Variants in NEDD4 observed in about 807,000 individuals in gnomAD.
NEDD4 encodes NEDD4 E3 ubiquitin protein ligase.
Under a neutral mutation model 144.9 loss-of-function variants are expected in NEDD4, and 99 were observed. The observed-to-expected ratio is 0.68, with a 90% CI of 0.58 to 0.81. NEDD4 has a LOEUF of 0.81. Ranked by LOEUF, NEDD4 falls within the 30% of genes least tolerant of loss-of-function variation. NEDD4 has a pLI of 0.00. For synonymous variants in NEDD4, 318 were observed against 350.6 expected, an observed-to-expected ratio of 0.91 and a Z score of 1.04; for missense variants, 985 against 1,065.9, an observed-to-expected ratio of 0.92 and a Z score of 1.06.
At chr15:55,878,643 A>C (rs1402724567) in intron 5 of NEDD4, among the ~76,000 whole-genome samples, 1 of 152,208 alleles carries the variant, frequency 6.6e-6, no homozygotes, top group African/African-American at 2.4e-5. Flanking sequence ...TATCCTCTAA[A>C]ATACTTCTTC....
At chr15:55,857,743 T>C (rs1191276736) in intron 11 of NEDD4, among the ~76,000 whole-genome samples, 2 of 152,156 alleles carry the variant, frequency 1.3e-5, no homozygotes, top group Non-Finnish European at 2.9e-5. Flanking sequence ...AAAAGGAGCC[T>C]GGGAAACAAT....
At chr15:55,915,927 G>T in intron 5 of NEDD4, 1 of 1,614,002 alleles carries the variant, frequency 6.2e-7, no homozygotes, top group Non-Finnish European at 8.5e-7. Context: ...TTCACTAGGA[G>T]AAATAATAAA....
At chr15:55,991,508 T>A (rs569123571) in intron 1 of NEDD4, among the ~76,000 whole-genome samples, 1 of 152,220 alleles carries the variant, frequency 6.6e-6, no homozygotes, top group South Asian at 2.1e-4. Context: ...AGTAAATGAA[T>A]GTCTGTTGAA....
At chr15:55,975,318 T>C (rs1308159728) in intron 1 of NEDD4, among the ~76,000 whole-genome samples, 1 of 152,160 alleles carries the variant, frequency 6.6e-6, no homozygotes, top group African/African-American at 2.4e-5. Flanking sequence ...GAGAATGATA[T>C]GAACTTATAT....
chr15:55,937,933 A>C (rs551119254), intron 4 of NEDD4, among the ~76,000 whole-genome samples: 31 of 152,368 alleles, frequency 2.0e-4, no homozygotes, highest in African/African-American at 7.5e-4. Context: ...TACAGTAATT[A>C]AAACAGTATG....
intron 5 of NEDD4, among the ~76,000 whole-genome samples, chr15:55,915,126 CTTCAGATTTACAAATATAAAATT>C (rs1415863158): frequency 6.6e-6 from 1 of 152,090 alleles, no homozygotes; most frequent in Non-Finnish European, 1.5e-5. Context: ...ACATAGAGTT[CTTCAGATTTACAAATATAAAATT>C]TATGACTACA....
chr15:55,955,593 G>C (rs1235195277), intron 2 of NEDD4, among the ~76,000 whole-genome samples: 1 of 151,840 alleles, frequency 6.6e-6, no homozygotes, highest in South Asian at 2.1e-4. Flanking sequence ...TCTTATTTCA[G>C]TTAGTGTAAT....
intron 4 of NEDD4, among the ~76,000 whole-genome samples, chr15:55,947,562 T>A (rs897819770): frequency 4.6e-5 from 7 of 152,178 alleles, no homozygotes; most frequent in Admixed American, 1.3e-4. Flanking sequence ...CCAGACGTAT[T>A]CACAGCTGAA....
intron 1 of NEDD4, among the ~76,000 whole-genome samples, chr15:55,972,224 C>T (rs2037623164): frequency 6.6e-6 from 1 of 152,058 alleles, no homozygotes; most frequent in Non-Finnish European, 1.5e-5. Flanking sequence ...CAGACAAATA[C>T]AGAATATTAT....
intron 4 of NEDD4, among the ~76,000 whole-genome samples, chr15:55,945,636 T>C (rs779703191): frequency 3.3e-5 from 5 of 151,774 alleles, no homozygotes; most frequent in Non-Finnish European, 4.4e-5. Context: ...CATGACAACA[T>C]TCAAATTCAG....
chr15:55,982,336 G>A (rs1371919618), intron 1 of NEDD4, among the ~76,000 whole-genome samples: 1 of 152,068 alleles, frequency 6.6e-6, no homozygotes, highest in Admixed American at 6.5e-5. Flanking sequence ...TTCACCGTAG[G>A]TTTATTCATA....
intron 11 of NEDD4, among the ~76,000 whole-genome samples, chr15:55,856,753 C>T (rs570809063): frequency 5.9e-5 from 9 of 152,306 alleles, no homozygotes; most frequent in South Asian, 2.1e-4. Context: ...TCGCAATCTA[C>T]CCCCTGGACA....
intron 1 of NEDD4, among the ~76,000 whole-genome samples, chr15:55,971,230 G>A (rs760503227): frequency 4.6e-5 from 7 of 152,070 alleles, no homozygotes; most frequent in Non-Finnish European, 1.0e-4. Context: ...TTGAAGATAG[G>A]TTATTTGAAA....
chr15:55,964,515 T>C (rs1002480249), intron 2 of NEDD4, among the ~76,000 whole-genome samples: 2 of 152,170 alleles, frequency 1.3e-5, no homozygotes, highest in African/African-American at 2.4e-5. Flanking sequence ...ATTTTTAAAA[T>C]TTATTGTGGC....
At chr15:55,832,945 T>G in intron 27 of NEDD4, 63 bp downstream of exon 27, 2 of 1,104,546 alleles carry the variant, frequency 1.8e-6, no homozygotes, top group Non-Finnish European at 2.7e-6. Context: ...TGCGGATTCG[T>G]CAGCCATGAA....
intron 2 of NEDD4, among the ~76,000 whole-genome samples, chr15:55,963,863 G>C (rs2037466166): frequency 6.6e-6 from 1 of 152,044 alleles, no homozygotes; most frequent in Non-Finnish European, 1.5e-5. Context: ...ATGTTATTTT[G>C]TCATCTTCCT....
chr15:55,939,243 C>T (rs1353343327), intron 4 of NEDD4, among the ~76,000 whole-genome samples: 3 of 152,116 alleles, frequency 2.0e-5, no homozygotes, highest in Non-Finnish European at 4.4e-5. Context: ...GATTGGATCA[C>T]GGGGGCAGTT....
At chr15:55,992,174 A>T (rs2037998667) in intron 1 of NEDD4, among the ~76,000 whole-genome samples, 1 of 152,210 alleles carries the variant, frequency 6.6e-6, no homozygotes, top group African/African-American at 2.4e-5. Flanking sequence ...CTACAGAATA[A>T]AGGTGCCATT....
At chr15:55,956,661 G>A (rs953643342) in intron 2 of NEDD4, among the ~76,000 whole-genome samples, 7 of 152,022 alleles carry the variant, frequency 4.6e-5, no homozygotes, top group African/African-American at 1.7e-4. Flanking sequence ...CCATTCCACT[G>A]AACAATATAT....
Sources: gnomAD v4.1 joint callset for allele counts (sites outside exome capture counted in the v4.1 genomes callset) on GRCh38, gnomAD v4.1.1 for gene constraint, MANE v1.5 for transcripts, NCBI Gene and HGNC (gene_info 2026-07-23, HGNC 2026-07-21) for gene names.